Variants in MIAT observed in about 807,000 individuals in gnomAD.
MIAT encodes myocardial infarction associated transcript.
chr22:26,673,909 C>A, downstream of MIAT: 1 of 398,674 alleles, frequency 2.5e-6, no homozygotes, highest in Non-Finnish European at 4.4e-6. Flanking sequence ...TATCTTCACT[C>A]CTCATAGTCT....
At chr22:26,661,633 G>A (rs753210461) in intron 2 of MIAT, among the ~76,000 whole-genome samples, 5 of 152,024 alleles carry the variant, frequency 3.3e-5, no homozygotes, top group East Asian at 1.9e-4. Context: ...CCAGGGCCAC[G>A]CAGCGAATTA....
At chr22:26,655,320 A>G (rs1930406954) in intron 2 of MIAT, among the ~76,000 whole-genome samples, 1 of 152,204 alleles carries the variant, frequency 6.6e-6, no homozygotes, top group Admixed American at 6.5e-5. Context: ...TGTGTAGTCC[A>G]GAGAAAGCTG....
At chr22:26,666,930 G>A in exon 4 of MIAT, 2 of 399,518 alleles carry the variant, frequency 5.0e-6, no homozygotes, top group Non-Finnish European at 8.8e-6. Flanking sequence ...TCGGCTGGAT[G>A]CTGCCAGGTA....
At chr22:26,661,934 A>ATGGATC (rs1555948784) in intron 2 of MIAT, among the ~76,000 whole-genome samples, 10 of 26,560 alleles carry the variant, frequency 3.8e-4, no homozygotes, top group African/African-American at 1.8e-3. Context: ...ATATATATAT[A>ATGGATC]TATATATATA....
chr22:26,659,658 T>C (rs1359038581), intron 2 of MIAT, among the ~76,000 whole-genome samples: 1 of 151,912 alleles, frequency 6.6e-6, no homozygotes, highest in Non-Finnish European at 1.5e-5. Flanking sequence ...GGCAACATGG[T>C]GAGACCCCTG....
At chr22:26,668,307 T>C (rs1027671765) in exon 6 of MIAT, 1 of 398,702 alleles carries the variant, frequency 2.5e-6, no homozygotes, top group East Asian at 3.6e-5. Flanking sequence ...TCTCATCCTC[T>C]TCACACCTGT....
At chr22:26,667,254 T>G in exon 5 of MIAT, 1 of 398,538 alleles carries the variant, frequency 2.5e-6, no homozygotes. Flanking sequence ...AGAGACATGA[T>G]CCCATCTGCT....
At chr22:26,658,058 G>GC (rs11415196) in intron 2 of MIAT, 141,954 of 141,960 alleles carry the variant, frequency 1, 70,974 homozygotes, top group Middle Eastern at 1. Context: ...CACGGGCAGA[G>GC]CCAGAGGGTC....
downstream of MIAT, chr22:26,673,950 G>A (rs1683706427): frequency 2.5e-6 from 1 of 398,494 alleles, no homozygotes; most frequent in Admixed American, 4.4e-5. Flanking sequence ...AAAAAATATA[G>A]CCTTATAGCT....
In MIAT at chr22:26,659,643, G is replaced by T. The variant is rs375778078; in HGVS notation, n.647-3673G>T. Among the ~76,000 whole-genome samples, 16 of 152,132 alleles carry T rather than the reference G, an allele frequency of 1.1e-4. 1 individual carries two copies. Among genetic ancestry groups the T allele is most frequent in the Admixed American group, 6.5e-4 (10 of 15,290 alleles). The stretch of plus-strand genomic sequence containing the variant: ...GCTTGAACCCAGGAGTTCAAGCCAA[G>T]CCTGGGCAACATGGTGAGACCCCTG... On this transcript the variant is annotated intron_variant and non_coding_transcript_variant, in intron 2 of 5. Transcript: ENST00000643270.
rs189286003 is a variant in MIAT, at chr22:26,667,044, G to A, written n.2136+107G>A. ...TGTGCCCCCTCCTCAGGCCCAGAACGCTCCTGCTCATGAGAAGATGGCCAG... is the reference window on the plus strand; with the variant it reads ...TGTGCCCCCTCCTCAGGCCCAGAACACTCCTGCTCATGAGAAGATGGCCAG... On this transcript the variant is annotated intron_variant and non_coding_transcript_variant, in intron 4 of 5. Transcript: ENST00000643270. 66 of 397,686 alleles carry A rather than the reference G, an allele frequency of 1.7e-4. No homozygotes were observed. In the East Asian group the frequency reaches 1.9e-3, roughly 12 times the overall value. 24.6% of individuals were successfully genotyped at this position (397,686 alleles called of 1,614,324 possible).
rs9625067 is a variant in MIAT, at chr22:26,675,572, T to C, written n.9240T>C. 4.9e-3 allele frequency: 1,962 copies of C among 398,596 alleles called. 27 individuals are homozygous for C. Among genetic ancestry groups the C allele is most frequent in the African/African-American group, 0.036 (1,771 of 48,732 alleles). The allele number at this position is 398,596 out of a possible 1,614,324, so 24.7% of individuals were successfully genotyped here. On this transcript the variant is annotated non_coding_transcript_exon_variant, in exon 5 of 5. Transcript: ENST00000613780. ...TCCATCTTTTGATAAACAGAATCCA[T>C]ACATGTCTACCCCAGTTGGAAGTAT...
chr22:26,661,933 T>TAGATCC (rs1569220501), intron 2 of MIAT, among the ~76,000 whole-genome samples: 48 of 25,180 alleles, frequency 1.9e-3, no homozygotes, highest in Non-Finnish European at 2.8e-3. Flanking sequence ...TATATATATA[T>TAGATCC]ATATATATAT....
chr22:26,666,502 G>A (rs1930847585), exon 4 of MIAT: 5 of 398,550 alleles, frequency 1.3e-5, no homozygotes, highest in Non-Finnish European at 2.2e-5. Flanking sequence ...GGGTTCCAGG[G>A]CCACCCAGTG....
At chr22:26,665,287 G>C (rs1184368493) in intron 3 of MIAT, among the ~76,000 whole-genome samples, 1 of 132,602 alleles carries the variant, frequency 7.5e-6, no homozygotes. Flanking sequence ...AAGAAAGAAA[G>C]AAAAACAATT....
At chr22:26,666,999 G>T in intron 4 of MIAT, 1 of 398,460 alleles carries the variant, frequency 2.5e-6, no homozygotes, top group South Asian at 1.3e-4. Flanking sequence ...GGTTTCATGG[G>T]GGTAGGTTGT....
At chr22:26,671,164 C>T, downstream of MIAT, 1 of 398,640 alleles carries the variant, frequency 2.5e-6, no homozygotes, top group East Asian at 3.6e-5. Context: ...GGGTTTCTGT[C>T]TAGGACAAGT....
At chr22:26,656,349 G>C (rs1002501286) in intron 2 of MIAT, among the ~76,000 whole-genome samples, 8 of 147,954 alleles carry the variant, frequency 5.4e-5, no homozygotes, top group Admixed American at 1.4e-4. Context: ...TTTGAGATGG[G>C]GTCTGGCTCT....
downstream of MIAT, chr22:26,670,446 G>A (rs1029211043): frequency 4.8e-5 from 19 of 398,320 alleles, no homozygotes; most frequent in Non-Finnish European, 8.0e-5. Context: ...CTGGGAAGTG[G>A]TAGAGAGACC....
Sources: gnomAD v4.1 joint callset for allele counts (sites outside exome capture counted in the v4.1 genomes callset) on GRCh38, gnomAD v4.1.1 for gene constraint, MANE v1.5 for transcripts, NCBI Gene and HGNC (gene_info 2026-07-23, HGNC 2026-07-21) for gene names.